Variants in SV2C observed in about 807,000 individuals in gnomAD.
The protein encoded by SV2C is synaptic vesicle glycoprotein 2C.
Under a neutral mutation model 79.7 loss-of-function variants are expected in SV2C, and 49 were observed. The ratio of observed to expected loss-of-function variants is 0.61; its 90% confidence interval spans 0.49 to 0.78. The LOEUF is 0.78. Ranked by LOEUF, SV2C falls within the 30% of genes least tolerant of loss-of-function variation. The pLI, the probability that SV2C is intolerant of heterozygous loss-of-function variation, is 0.00. For missense variants in SV2C, 833 were observed against 912.9 expected, an observed-to-expected ratio of 0.91 and a Z score of 1.13; for synonymous variants, 334 against 333.2, an observed-to-expected ratio of 1.00 and a Z score of -0.03.
chr5:76,069,733 T>C, the SV2C span, among the ~76,000 whole-genome samples: 1 of 152,108 alleles, frequency 6.6e-6, no homozygotes, highest in Admixed American at 6.5e-5. Flanking sequence ...TTCATTTCTT[T>C]TGGGGATTGT....
the SV2C span, among the ~76,000 whole-genome samples, chr5:75,946,284 A>C: frequency 6.6e-6 from 1 of 152,124 alleles, no homozygotes. Context: ...GTTTTTGCAT[A>C]TGAATATCCA....
the SV2C span, among the ~76,000 whole-genome samples, chr5:76,037,821 T>G: frequency 6.6e-6 from 1 of 152,242 alleles, no homozygotes; most frequent in Non-Finnish European, 1.5e-5. Flanking sequence ...GCCTGGGCAA[T>G]GTCGGGCGCC....
At chr5:76,311,702 T>A (rs1206757868) in intron 12 of SV2C, among the ~76,000 whole-genome samples, 1 of 152,198 alleles carries the variant, frequency 6.6e-6, no homozygotes, top group African/African-American at 2.4e-5. Context: ...GAAATATGAA[T>A]GTGACATGAG....
At chr5:76,107,155 T>C (rs1477748568) in intron 1 of SV2C, among the ~76,000 whole-genome samples, 2 of 152,208 alleles carry the variant, frequency 1.3e-5, no homozygotes, top group African/African-American at 4.8e-5. Context: ...AATATTAGAC[T>C]TCTCAAGAAA....
chr5:76,076,708 T>C, the SV2C span, among the ~76,000 whole-genome samples: 1 of 152,210 alleles, frequency 6.6e-6, no homozygotes, highest in South Asian at 2.1e-4. Context: ...TTGTATTCAG[T>C]TGAAATTTCT....
chr5:75,971,127 C>T, the SV2C span, among the ~76,000 whole-genome samples: 684 of 152,172 alleles, frequency 4.5e-3, 12 homozygotes, highest in African/African-American at 0.015. Flanking sequence ...TTCAACAACG[C>T]TTCATGCTAA....
At chr5:76,047,547 G>T in the SV2C span, among the ~76,000 whole-genome samples, 1 of 151,964 alleles carries the variant, frequency 6.6e-6, no homozygotes, top group Non-Finnish European at 1.5e-5. Context: ...CCATTTAGCT[G>T]ATTGCTTTAA....
chr5:76,176,143 A>G (rs1743521889), intron 2 of SV2C, among the ~76,000 whole-genome samples: 1 of 152,152 alleles, frequency 6.6e-6, no homozygotes, highest in South Asian at 2.1e-4. Context: ...ACAGGGAGCC[A>G]AAGTTTACTA....
chr5:76,261,490 G>A (rs1746466590), intron 4 of SV2C, among the ~76,000 whole-genome samples: 2 of 152,150 alleles, frequency 1.3e-5, no homozygotes, highest in Admixed American at 6.5e-5. Context: ...TTGAATAGGA[G>A]CGGTGAGAAA....
the SV2C span, among the ~76,000 whole-genome samples, chr5:75,971,752 A>T: frequency 1.3e-5 from 2 of 152,188 alleles, no homozygotes; most frequent in African/African-American, 4.8e-5. Context: ...CATACTGCCC[A>T]AGGTAAATTA....
chr5:76,105,144 T>C (rs748462313), intron 1 of SV2C, among the ~76,000 whole-genome samples: 4 of 152,024 alleles, frequency 2.6e-5, no homozygotes, highest in Non-Finnish European at 4.4e-5. Context: ...GAGGCAGAGA[T>C]TGGAATGATA....
intron 1 of SV2C, among the ~76,000 whole-genome samples, chr5:76,129,947 T>C (rs1748824872): frequency 6.6e-6 from 1 of 152,034 alleles, no homozygotes; most frequent in Non-Finnish European, 1.5e-5. Context: ...GTGTGAAATA[T>C]TCAGATTTTC....
chr5:76,193,002 C>T (rs1057247305), intron 2 of SV2C, among the ~76,000 whole-genome samples: 6 of 152,142 alleles, frequency 3.9e-5, no homozygotes, highest in Admixed American at 3.9e-4. Context: ...AATTAGTAGC[C>T]ACCTTCTGCC....
chr5:76,080,590 CT>C (rs1746970987), upstream of SV2C, among the ~76,000 whole-genome samples: 2 of 152,210 alleles, frequency 1.3e-5, no homozygotes, highest in South Asian at 4.1e-4. Context: ...ACTATAGCAT[CT>C]GTACTTAGTG....
chr5:76,109,517 T>C (rs1748033682), intron 1 of SV2C, among the ~76,000 whole-genome samples: 1 of 152,126 alleles, frequency 6.6e-6, no homozygotes, highest in Non-Finnish European at 1.5e-5. Flanking sequence ...CGAAAAGAAA[T>C]GTTAAAGTCC....
chr5:75,948,615 G>A, the SV2C span, among the ~76,000 whole-genome samples: 2 of 151,986 alleles, frequency 1.3e-5, no homozygotes, highest in Non-Finnish European at 2.9e-5. Flanking sequence ...GTCAGGGAGG[G>A]CTTATTTGAT....
intron 12 of SV2C, among the ~76,000 whole-genome samples, chr5:76,309,125 G>A (rs907271781): frequency 2.0e-5 from 3 of 152,124 alleles, no homozygotes; most frequent in Non-Finnish European, 2.9e-5. Flanking sequence ...CAGCTAACAA[G>A]CTCTGGAAGT....
At chr5:76,030,452 A>G in the SV2C span, among the ~76,000 whole-genome samples, 106 of 152,040 alleles carry the variant, frequency 7.0e-4, 2 homozygotes, top group African/African-American at 2.6e-3. Context: ...GTAACAGATC[A>G]AGGATTCACA....
At chr5:76,250,710 G>T (rs1746086518) in intron 4 of SV2C, among the ~76,000 whole-genome samples, 1 of 152,198 alleles carries the variant, frequency 6.6e-6, no homozygotes, top group Non-Finnish European at 1.5e-5. Context: ...GAGTGAAGGA[G>T]GAACAGGCTA....
Sources: gnomAD v4.1 joint callset for allele counts (sites outside exome capture counted in the v4.1 genomes callset) on GRCh38, gnomAD v4.1.1 for gene constraint, MANE v1.5 for transcripts, NCBI Gene and HGNC (gene_info 2026-07-23, HGNC 2026-07-21) for gene names.